VAC14: variants seen among roughly 807,000 people sequenced by gnomAD.
VAC14 encodes protein VAC14 homolog.
In VAC14, 47 loss-of-function variants were observed where a neutral mutation model predicts 85.3. That is an observed-to-expected ratio of 0.55 (90% CI 0.44 to 0.70). The LOEUF (loss-of-function observed/expected upper bound fraction) is 0.70, where lower values mean the gene tolerates loss of function less well. VAC14 is among the 30% of genes least tolerant of loss of function. VAC14 has a pLI of 0.00. For missense variants in VAC14, 861 were observed against 1,004.3 expected, an observed-to-expected ratio of 0.86 and a Z score of 1.93; for synonymous variants, 447 against 430.5, an observed-to-expected ratio of 1.04 and a Z score of -0.47.
intron 12 of VAC14, among the ~76,000 whole-genome samples, chr16:70,752,662 T>C (rs533904806): frequency 5.9e-5 from 9 of 152,312 alleles, no homozygotes; most frequent in East Asian, 5.8e-4. Context: ...CCCCGCTTCA[T>C]TGTGGTTTAC....
At chr16:70,790,471 T>A (rs1051030836) in intron 1 of VAC14, among the ~76,000 whole-genome samples, 1 of 152,194 alleles carries the variant, frequency 6.6e-6, no homozygotes. Context: ...TGTGAGGAGC[T>A]GCAGAAGACC....
chr16:70,737,137 C>G (rs1337245934), intron 13 of VAC14, among the ~76,000 whole-genome samples: 1 of 152,166 alleles, frequency 6.6e-6, no homozygotes, highest in African/African-American at 2.4e-5. Context: ...ATGGGCCCCT[C>G]AAGTATGCTG....
chr16:70,698,858 G>C lies in VAC14; in HGVS notation c.1662-47C>G, dbSNP rs9673700. Reference sequence around the variant, plus strand: ...GTCAGGGCGCAGGCCGACCTGGAAGGCTCTGTGTCTCAGCCTGGGAGGCCT... The same window carrying C: ...GTCAGGGCGCAGGCCGACCTGGAAGCCTCTGTGTCTCAGCCTGGGAGGCCT... On this transcript the variant is annotated intron_variant, in intron 14 of 18. Coordinates refer to ENST00000261776, the MANE Select transcript of VAC14 (RefSeq NM_018052.5). The C allele has an allele frequency of 0.61, 976,246 of 1,600,620 alleles. 304,438 individuals carry two copies. The highest frequency in any genetic ancestry group is 0.65 in the African/African-American group (48,270 of 74,766).
At chr16:70,731,400 G>T (rs2054585756) in intron 14 of VAC14, 95 bp downstream of exon 14, 3 of 1,532,898 alleles carry the variant, frequency 2.0e-6, no homozygotes, top group Non-Finnish European at 2.6e-6. Context: ...AGAGAGAAGG[G>T]AAAGAGAAGG....
intron 13 of VAC14, among the ~76,000 whole-genome samples, chr16:70,733,564 C>A (rs1361773425): frequency 6.6e-6 from 1 of 151,984 alleles, no homozygotes; most frequent in Non-Finnish European, 1.5e-5. Flanking sequence ...TGGGTTAGCA[C>A]CATCCCCTTA....
At position 70,687,808 on chromosome 16, in the gene VAC14, C is replaced by T; in HGVS notation, c.*120G>A. The stretch of plus-strand genomic sequence containing the variant: ...CAGCAGCCTCCGGCCCCAACACTGC[C>T]CTGGGTTGGCAGGCCCAGCCCTGGT... On this transcript the variant is annotated 3_prime_UTR_variant, in exon 19 of 19. Coordinates refer to ENST00000261776, the MANE Select transcript of VAC14 (RefSeq NM_018052.5). 8.7e-7 allele frequency: 1 copy of T among 1,151,952 alleles called. No individual in the cohort carries two copies. The highest frequency in any genetic ancestry group is 2.8e-5 in the South Asian group (1 of 36,308). 71.4% of individuals were successfully genotyped at this position (1,151,952 alleles called of 1,614,324 possible).
intron 14 of VAC14, among the ~76,000 whole-genome samples, chr16:70,712,303 C>A (rs1567531867): frequency 6.6e-6 from 1 of 152,148 alleles, no homozygotes; most frequent in East Asian, 1.9e-4. Flanking sequence ...GGCGAGGCGC[C>A]CTATAGCAGA....
At chr16:70,777,846 T>A (rs943258225) in intron 9 of VAC14, among the ~76,000 whole-genome samples, 2 of 151,312 alleles carry the variant, frequency 1.3e-5, no homozygotes, top group Non-Finnish European at 2.9e-5. Flanking sequence ...TGGACCAGAG[T>A]GGGAACAGAG....
At chr16:70,791,814 G>T (rs901939920) in intron 1 of VAC14, among the ~76,000 whole-genome samples, 12 of 152,202 alleles carry the variant, frequency 7.9e-5, no homozygotes, top group Admixed American at 2.0e-4. Flanking sequence ...ACGGGCAGGG[G>T]TGACAGGCAG....
intron 14 of VAC14, chr16:70,731,179 C>T: frequency 1.4e-6 from 1 of 740,712 alleles, no homozygotes; most frequent in Non-Finnish European, 1.7e-6. Context: ...TCTGGCTCAC[C>T]TCCTTTCCTC....
At chr16:70,717,865 GCTGGTCTTGCACTC>G (rs2054201123) in intron 14 of VAC14, among the ~76,000 whole-genome samples, 1 of 152,150 alleles carries the variant, frequency 6.6e-6, no homozygotes, top group African/African-American at 2.4e-5. Context: ...TGTTGCTCAG[GCTGGTCTTGCACTC>G]CTGGGCTCAA....
chr16:70,768,966 ATTTTTTTTTTTTTTTTAATTT>A, intron 10 of VAC14: 4 of 215,888 alleles, frequency 1.9e-5, no homozygotes, highest in South Asian at 1.7e-4. Flanking sequence ...ACGCCTGGCT[ATTTTTTTTTTTTTTTTAATTT>A]TTATTTTTAG....
At chr16:70,722,517 G>A (rs949765004) in intron 14 of VAC14, among the ~76,000 whole-genome samples, 36 of 152,222 alleles carry the variant, frequency 2.4e-4, no homozygotes, top group African/African-American at 7.5e-4. Flanking sequence ...CTGCTAAATC[G>A]CAGGCGGAGA....
At chr16:70,779,436 T>G (rs2033699289) in intron 9 of VAC14, among the ~76,000 whole-genome samples, 1 of 152,216 alleles carries the variant, frequency 6.6e-6, no homozygotes, top group African/African-American at 2.4e-5. Context: ...GCTGAAACTG[T>G]CATTCACTTG....
chr16:70,728,669 C>T (rs576326928), intron 14 of VAC14, among the ~76,000 whole-genome samples: 1 of 152,340 alleles, frequency 6.6e-6, no homozygotes, highest in Admixed American at 6.5e-5. Flanking sequence ...CTGGTTACTA[C>T]CCCAAACTCC....
chr16:70,778,914 G>A (rs2033660898), intron 9 of VAC14: 1 of 152,192 alleles, frequency 6.6e-6, no homozygotes, highest in African/African-American at 2.4e-5. Flanking sequence ...GTATCCCCGA[G>A]TCTTCTAGTT....
rs991520712 is a variant in VAC14 at position 70,698,517 on chromosome 16, G to A, written c.1836+120C>T. 5.1e-5 allele frequency: 65 copies of A among 1,279,300 alleles called. No individual in the cohort carries two copies. The South Asian group carries it at 7.0e-4, about 14-fold the overall frequency. The allele number at this position is 1,279,300 out of a possible 1,614,324, so 79.2% of individuals were successfully genotyped here. On this transcript the variant is annotated intron_variant, in intron 15 of 18. Transcript: ENST00000261776. ...TTCCCAGTGGACCAGGGGAAGTCTC[G>A]ATTTCAACCCCGTCTTCTCCCTGAG...
intron 15 of VAC14, 48 bp from the exon 16 acceptor site, chr16:70,697,305 C>A: frequency 2.0e-6 from 3 of 1,521,850 alleles, no homozygotes; most frequent in Non-Finnish European, 1.8e-6. Context: ...GCTCCTTGCC[C>A]CTACCCGGTC....
rs78713158 is a variant in VAC14 at position 70,720,395 on chromosome 16, C to T, written c.1661+11100G>A. Among the ~76,000 whole-genome samples the T allele has an allele frequency of 1.2e-3, 185 of 152,280 alleles. 1 individual carries two copies. The highest frequency in any genetic ancestry group is 4.2e-3 in the African/African-American group (174 of 41,548). ...CTGGAGGGAGTTGAGGCTGCCACAC[C>T]GCTTTGATCAGGACGAGGAAAGAAG... On this transcript the variant is annotated intron_variant, in intron 14 of 18. Transcript: ENST00000261776.
Sources: allele counts gnomAD v4.1 joint callset (sites outside exome capture counted in the v4.1 genomes callset), GRCh38; gene constraint gnomAD v4.1.1; transcripts MANE v1.5; gene names NCBI Gene and HGNC (gene_info 2026-07-23, HGNC 2026-07-21).